The following CHM variants were observed in gnomAD, a reference collection of about 807,000 sequenced individuals.
CHM encodes CHM Rab escort protein, also known as rab proteins geranylgeranyltransferase component A 1.
CHM carries 10 observed loss-of-function variants against 49.0 expected under a neutral mutation model. The observed-to-expected ratio is 0.20, with a 90% CI of 0.13 to 0.35. The LOEUF is 0.35. Ranked by LOEUF, CHM falls within the 10% of genes least tolerant of loss-of-function variation. The pLI, the probability that CHM is intolerant of heterozygous loss-of-function variation, is 1.00. For missense variants in CHM, 455 were observed against 478.4 expected (o/e 0.95, Z 0.46); for synonymous variants, 184 against 167.5 (o/e 1.10, Z -0.76).
chrX:85,945,520 C>T (rs1456173700), intron 8 of CHM, among the ~76,000 whole-genome samples: 1 of 102,786 alleles, frequency 9.7e-6, no homozygotes, highest in Non-Finnish European at 2.0e-5. Context: ...TTCCTGAGGC[C>T]TCCCCAGAAG....
chrX:86,041,726 G>GTATATA (rs3078104), intron 1 of CHM, among the ~76,000 whole-genome samples: 249 of 83,700 alleles, frequency 3.0e-3, no homozygotes, highest in Middle Eastern at 0.012. Flanking sequence ...TGGTGTGTGT[G>GTATATA]TATATATATA....
At chrX:86,014,446 A>G (rs138206494) in intron 2 of CHM, among the ~76,000 whole-genome samples, 1,225 of 112,675 alleles carry the variant, frequency 0.011, 15 homozygotes, top group African/African-American at 0.037. Flanking sequence ...CAAAAGAATG[A>G]CAGACTAACA....
intron 2 of CHM, among the ~76,000 whole-genome samples, chrX:85,982,533 A>C (rs1368067425): frequency 8.9e-6 from 1 of 112,171 alleles, no homozygotes; most frequent in African/African-American, 3.2e-5. Flanking sequence ...AGGTCTCCTA[A>C]ATAGGTCAGG....
intron 4 of CHM, chrX:85,971,686 C>A: frequency 5.3e-6 from 1 of 187,539 alleles, no homozygotes; most frequent in South Asian, 6.6e-5. Context: ...GCTGGCTGGG[C>A]AGCCTGCTTT....
intron 6 of CHM, 34 bp downstream of exon 6, chrX:85,958,827 G>C (rs368782886): frequency 8.3e-7 from 1 of 1,209,606 alleles, no homozygotes; most frequent in South Asian, 1.8e-5. Context: ...AACTTAAGCT[G>C]ATGCCCAGTT....
At chrX:86,031,365 T>C (rs1934035454) in intron 1 of CHM, among the ~76,000 whole-genome samples, 1 of 111,910 alleles carries the variant, frequency 8.9e-6, no homozygotes, top group Admixed American at 9.5e-5. Context: ...TAAAAAAATT[T>C]CCAAGAGGTT....
intron 4 of CHM, chrX:85,970,832 G>A (rs1023405455): frequency 9.6e-6 from 4 of 418,164 alleles, no homozygotes; most frequent in Non-Finnish European, 1.2e-5. Flanking sequence ...TTGTAAGGAA[G>A]AATCAGGAAA....
intron 1 of CHM, among the ~76,000 whole-genome samples, chrX:86,045,740 T>C (rs1001382233): frequency 1.8e-5 from 2 of 111,004 alleles, no homozygotes; most frequent in South Asian, 3.8e-4. Context: ...TCATAAGAAT[T>C]AACATTCATC....
chrX:85,945,851 G>A (rs185245944), intron 8 of CHM, among the ~76,000 whole-genome samples: 8 of 111,860 alleles, frequency 7.2e-5, no homozygotes, highest in Admixed American at 5.7e-4. Flanking sequence ...TGATCAAAAT[G>A]CTGACAGTTA....
At chrX:85,892,068 G>A (rs995674411) in intron 12 of CHM, among the ~76,000 whole-genome samples, 7 of 111,533 alleles carry the variant, frequency 6.3e-5, no homozygotes, top group African/African-American at 2.3e-4. Context: ...TCTCCTATTT[G>A]GAATGGCTGT....
chrX:85,948,920 A>G (rs188111469), intron 8 of CHM, among the ~76,000 whole-genome samples: 42 of 112,219 alleles, frequency 3.7e-4, no homozygotes, highest in Non-Finnish European at 6.9e-4. Flanking sequence ...CTGTAGGTCA[A>G]GGAAATGCAT....
chrX:85,953,938 A>G (rs1156969491), intron 8 of CHM, among the ~76,000 whole-genome samples: 2 of 111,931 alleles, frequency 1.8e-5, no homozygotes, highest in Non-Finnish European at 3.8e-5. Context: ...ACATGAAGTT[A>G]AAAAGTTTCT....
chrX:85,864,932 A>C (rs931276766), intron 14 of CHM, 111 bp from the exon 15 acceptor site: 5 of 714,570 alleles, frequency 7.0e-6, no homozygotes, highest in Admixed American at 2.7e-5. Context: ...AAATTTGCTT[A>C]AACAGGCTAC....
intron 2 of CHM, among the ~76,000 whole-genome samples, chrX:85,985,238 A>G (rs968567764): frequency 8.9e-6 from 1 of 112,322 alleles, no homozygotes; most frequent in African/African-American, 3.2e-5. Flanking sequence ...GGAGACTCCA[A>G]GCCATCGCAG....
intron 1 of CHM, among the ~76,000 whole-genome samples, chrX:86,041,649 A>C (rs1056354341): frequency 2.6e-4 from 27 of 103,027 alleles, no homozygotes; most frequent in African/African-American, 9.5e-4. Context: ...AATTTTTTGA[A>C]CCTGCCCTCC....
chrX:86,038,364 T>C (rs777886524), intron 1 of CHM, among the ~76,000 whole-genome samples: 2 of 111,636 alleles, frequency 1.8e-5, no homozygotes, highest in East Asian at 5.7e-4. Flanking sequence ...TAACTAACTA[T>C]GACCCAGAAG....
chrX:85,978,967 T>C lies in CHM; in HGVS notation c.190-76A>G, dbSNP rs956453729. The C allele has an allele frequency of 1.2e-4, 122 of 1,043,496 alleles. No individual in the cohort carries two copies. The Admixed American group carries it at 2.9e-3, about 25-fold the overall frequency. The allele number at this position is 1,043,496 out of a possible 1,213,427, so 86.0% of individuals were successfully genotyped here. On this transcript the variant is annotated intron_variant, in intron 3 of 14. Transcript: ENST00000357749. ...ATGCAATTTTCTGAGAAAATTTACC[T>C]CTTGTCTAAATTCATGCTTATTTCA...
At chrX:86,033,750 G>A (rs1444926642) in intron 1 of CHM, among the ~76,000 whole-genome samples, 1 of 111,272 alleles carries the variant, frequency 9.0e-6, no homozygotes, top group African/African-American at 3.3e-5. Context: ...AAATGAAGTA[G>A]CCTAGGGAAC....
intron 14 of CHM, among the ~76,000 whole-genome samples, chrX:85,870,025 A>G (rs1178475279): frequency 8.9e-6 from 1 of 112,255 alleles, no homozygotes; most frequent in Admixed American, 9.5e-5. Context: ...ATAAGCTGAA[A>G]GTAGCATATA....
Sources: allele counts gnomAD v4.1 joint callset (sites outside exome capture counted in the v4.1 genomes callset), GRCh38; gene constraint gnomAD v4.1.1; transcripts MANE v1.5; gene names NCBI Gene and HGNC (gene_info 2026-07-23, HGNC 2026-07-21).